The following BRI3 variants were observed in gnomAD, a reference collection of about 807,000 sequenced individuals.
BRI3 encodes the protein membrane protein BRI3.
Under a neutral mutation model 12.8 loss-of-function variants are expected in BRI3, and 6 were observed. The ratio of observed to expected loss-of-function variants is 0.47; its 90% CI spans 0.26 to 0.93. BRI3 has a LOEUF of 0.93. Ranked by LOEUF, BRI3 falls within the 40% of genes least tolerant of loss-of-function variation. The pLI is 0.15. For missense variants in BRI3, 134 were observed against 171.1 expected (o/e 0.78, Z 1.21); for synonymous variants, 91 against 76.1 (o/e 1.20, Z -1.02).
At chr7:98,289,162 T>C (rs565591983) in intron 2 of BRI3, among the ~76,000 whole-genome samples, 1 of 152,306 alleles carries the variant, frequency 6.6e-6, no homozygotes, top group South Asian at 2.1e-4. Context: ...TTCACCATGT[T>C]GACCAGGCTG....
At chr7:98,310,299 C>T in exon 2 of BRI3, 1 of 820,562 alleles carries the variant, frequency 1.2e-6, no homozygotes, top group Non-Finnish European at 1.8e-6. Flanking sequence ...AACTCACGCT[C>T]TGCAAAGCCA....
At chr7:98,319,364 C>A in the BRI3 span, among the ~76,000 whole-genome samples, 1 of 152,268 alleles carries the variant, frequency 6.6e-6, no homozygotes, top group Admixed American at 6.5e-5. Context: ...CCAGGGCACA[C>A]CGGGAGCCCC....
chr7:98,286,120 C>T (rs1398157874), intron 2 of BRI3, among the ~76,000 whole-genome samples: 2 of 152,184 alleles, frequency 1.3e-5, no homozygotes, highest in Admixed American at 6.5e-5. Context: ...GGGAGCCCAT[C>T]TGGGTTCAGA....
downstream of BRI3, among the ~76,000 whole-genome samples, chr7:98,314,798 T>TC (rs1226979152): frequency 3.9e-5 from 6 of 152,254 alleles, no homozygotes; most frequent in Non-Finnish European, 7.4e-5. Flanking sequence ...CCGCTGGGAC[T>TC]CACCAGCAGC....
chr7:98,305,040 GTTTT>G (rs1386050479), upstream of BRI3, among the ~76,000 whole-genome samples: 103 of 87,112 alleles, frequency 1.2e-3, no homozygotes, highest in African/African-American at 4.7e-3. Context: ...TAATTTTTTT[GTTTT>G]TTGTTTTTTT....
rs76000036 is a variant in BRI3 at position 98,282,906 on chromosome 7, A to T, written c.245+453A>T. 68 of 163,198 alleles carry T rather than the reference A, an allele frequency of 4.2e-4. No homozygotes were observed. The East Asian group carries it at 0.012, about 29-fold the overall frequency. 10.1% of individuals were successfully genotyped at this position (163,198 alleles called of 1,614,324 possible). On this transcript the variant is annotated intron_variant, in intron 2 of 2. Coordinates refer to ENST00000297290, the MANE Select transcript of BRI3 (RefSeq NM_015379.5). The stretch of plus-strand genomic sequence containing the variant: ...GGAAGTAAGTGCACCAGCAGGACAG[A>T]CCTCAGTGGGAGAAGCGACGGCCGT...
exon 2 of BRI3, chr7:98,309,032 A>G (rs1034964548): frequency 1.3e-5 from 2 of 151,832 alleles, no homozygotes; most frequent in Non-Finnish European, 2.9e-5. Context: ...AAGCATCTTT[A>G]ATTTAAAACA....
chr7:98,281,946 G>C lies in BRI3; in HGVS notation c.142+9G>C. The C allele has an allele frequency of 7.7e-7, 1 of 1,298,972 alleles. No individual in the cohort carries two copies. Among genetic ancestry groups the C allele is most frequent in the Non-Finnish European group, 9.8e-7 (1 of 1,025,500 alleles). 80.5% of individuals were successfully genotyped at this position (1,298,972 alleles called of 1,614,324 possible). On this transcript the variant is annotated intron_variant, in intron 1 of 2. Transcript: ENST00000297290. Reference sequence around the variant, plus strand: ...CCCCTACCTCGTCACAGGTGGGCCCGTAACCAACTTTCCCCGCCGGCGGCT... The same window carrying C: ...CCCCTACCTCGTCACAGGTGGGCCCCTAACCAACTTTCCCCGCCGGCGGCT...
chr7:98,293,105 C>T (rs551954916), downstream of BRI3: 235 of 468,352 alleles, frequency 5.0e-4, no homozygotes, highest in Non-Finnish European at 6.8e-4. Flanking sequence ...CTTCTTTAGA[C>T]ATAATGCTAT....
At chr7:98,293,681 CTGTG>C, downstream of BRI3, 2 of 1,354,568 alleles carry the variant, frequency 1.5e-6, no homozygotes, top group Non-Finnish European at 2.1e-6. Context: ...CGTTCTTGCC[CTGTG>C]AGACTGGGCG....
intron 2 of BRI3, among the ~76,000 whole-genome samples, chr7:98,287,357 C>CA (rs1799744700): frequency 1.3e-5 from 2 of 152,238 alleles, no homozygotes; most frequent in South Asian, 4.1e-4. Flanking sequence ...CAGGGTGGCA[C>CA]AAACGGCCCA....
chr7:98,294,128 G>T, downstream of BRI3: 1 of 1,613,004 alleles, frequency 6.2e-7, no homozygotes, highest in Non-Finnish European at 8.5e-7. Flanking sequence ...GAAAGATAAA[G>T]AAGTTTATGG....
chr7:98,312,036 T>G, downstream of BRI3: 1 of 1,502,000 alleles, frequency 6.7e-7, no homozygotes, highest in Non-Finnish European at 9.0e-7. Context: ...ACAGGCAAAT[T>G]TGGCCCAGAT....
At chr7:98,313,792 CTTT>C (rs543402978), downstream of BRI3, among the ~76,000 whole-genome samples, 4 of 132,922 alleles carry the variant, frequency 3.0e-5, no homozygotes, top group Admixed American at 7.8e-5. Context: ...CTAATTAAAA[CTTT>C]TTTTTTTTTT....
chr7:98,321,603 G>A, the BRI3 span, among the ~76,000 whole-genome samples: 1 of 152,206 alleles, frequency 6.6e-6, no homozygotes, highest in African/African-American at 2.4e-5. Flanking sequence ...CTTTCTACAG[G>A]TGACATCTGA....
chr7:98,302,506 C>T (rs558707989), upstream of BRI3, among the ~76,000 whole-genome samples: 1 of 152,316 alleles, frequency 6.6e-6, no homozygotes, highest in Admixed American at 6.5e-5. Flanking sequence ...CAAAACACAA[C>T]AGTCAAACAA....
chr7:98,282,365 C>T lies in BRI3; in HGVS notation c.157C>T (p.His53Tyr), dbSNP rs17851676. Reference protein sequence around the residue: ...PYLVTGIPTHHPRVYNIHSRT... With the variant: ...PYLVTGIPTHYPRVYNIHSRT... ...CCCGCCCACAGGGATACCCACCCAC[C>T]ATCCCAGGGTCTACAACATCCACAG... The change falls in exon 2 of 3, where the codon CAT becomes TAT. Residue 53 changes from histidine to tyrosine, a missense_variant. Coordinates refer to ENST00000297290, the MANE Select transcript of BRI3 (RefSeq NM_015379.5). The T allele has an allele frequency of 1.9e-6, 3 of 1,614,020 alleles. No individual in the cohort carries two copies. The highest frequency in any genetic ancestry group is 1.3e-5 in the African/African-American group (1 of 75,062).
upstream of BRI3, among the ~76,000 whole-genome samples, chr7:98,305,040 G>GT (rs1386050479): frequency 1.1e-3 from 93 of 87,100 alleles, no homozygotes; most frequent in South Asian, 2.7e-3. Context: ...TAATTTTTTT[G>GT]TTTTTTGTTT....
chr7:98,303,611 A>G (rs1357042734), upstream of BRI3, among the ~76,000 whole-genome samples: 1 of 152,128 alleles, frequency 6.6e-6, no homozygotes, highest in Non-Finnish European at 1.5e-5. Context: ...CTAGCTGGAG[A>G]GCCCACACCA....
Sources: allele counts gnomAD v4.1 joint callset (sites outside exome capture counted in the v4.1 genomes callset), GRCh38; gene constraint gnomAD v4.1.1; transcripts MANE v1.5; gene names NCBI Gene and HGNC (gene_info 2026-07-23, HGNC 2026-07-21).